DOC2B: variants seen among roughly 807,000 people sequenced by gnomAD.
DOC2B encodes the protein double C2-like domain-containing protein beta.
A neutral mutation model predicts 28.9 loss-of-function variants in DOC2B; 21 were observed. That is an observed-to-expected ratio of 0.73 (90% confidence interval 0.52 to 1.05). DOC2B has a LOEUF of 1.05. Among genes scored for constraint, DOC2B ranks in the 50% least tolerant of loss-of-function variants. The pLI, the probability that DOC2B is intolerant of heterozygous loss-of-function variation, is 0.00. For missense variants in DOC2B, 384 were observed against 421.1 expected (o/e 0.91, Z 0.77); for synonymous variants, 194 against 178.1 (o/e 1.09, Z -0.71).
intron 5 of DOC2B, among the ~76,000 whole-genome samples, chr17:157,719 C>T (rs1391355840): frequency 6.6e-6 from 1 of 152,214 alleles, no homozygotes; most frequent in Middle Eastern, 3.2e-3. Context: ...GCTGGGATTA[C>T]AGGTATGAGC....
At chr17:172,974 C>T (rs1354848277) in intron 1 of DOC2B, among the ~76,000 whole-genome samples, 1 of 152,208 alleles carries the variant, frequency 6.6e-6, no homozygotes, top group Non-Finnish European at 1.5e-5. Flanking sequence ...CCTCAGTTTC[C>T]CTCACCTGTG....
intron 7 of DOC2B, among the ~76,000 whole-genome samples, chr17:148,852 C>T (rs1241797692): frequency 1.3e-5 from 2 of 152,058 alleles, no homozygotes; most frequent in Admixed American, 1.3e-4. Context: ...TTCCTCACCC[C>T]CTCTTTGCCC....
At chr17:164,271 T>G in intron 2 of DOC2B, 67 bp from the exon 3 acceptor site, 1 of 1,275,214 alleles carries the variant, frequency 7.8e-7, no homozygotes, top group East Asian at 2.5e-5. Flanking sequence ...GGCCTGCAGA[T>G]GCCCTTGTCC....
chr17:155,787 C>T (rs528791778), intron 6 of DOC2B, among the ~76,000 whole-genome samples: 3 of 152,222 alleles, frequency 2.0e-5, no homozygotes, highest in Admixed American at 1.3e-4. Flanking sequence ...GACTCTTATC[C>T]GCATCTGTAG....
At chr17:171,954 G>A in intron 2 of DOC2B, among the ~76,000 whole-genome samples, 1 of 146,244 alleles carries the variant, frequency 6.8e-6, no homozygotes, top group Admixed American at 6.7e-5. Context: ...GCTGCAGAGG[G>A]GAGCACCAGG....
At chr17:161,575 G>T in intron 4 of DOC2B, 34 bp from the exon 5 acceptor site, 1 of 1,551,016 alleles carries the variant, frequency 6.4e-7, no homozygotes, top group South Asian at 1.2e-5. Flanking sequence ...CACAGCCAGT[G>T]CCTCAGACGC....
At position 148,287 on chromosome 17, in the gene DOC2B, G is replaced by A; in HGVS notation, c.1006-18C>T. On this transcript the variant is annotated intron_variant, in intron 7 of 8. Coordinates refer to ENST00000613549, the MANE Select transcript of DOC2B (RefSeq NM_003585.5). ...CAGAACTCCTGCTGGCAAGAAGGGA[G>A]TGTTAGGGCTGATGCCTGGGCCTGG... 1 of 398,866 alleles carries A rather than the reference G, an allele frequency of 2.5e-6. No individual in the cohort carries two copies. Among genetic ancestry groups the A allele is most frequent in the East Asian group, 3.6e-5 (1 of 28,058 alleles). 24.7% of individuals were successfully genotyped at this position (398,866 alleles called of 1,614,324 possible).
chr17:174,132 G>C (rs1395179340), intron 1 of DOC2B, among the ~76,000 whole-genome samples: 1 of 152,192 alleles, frequency 6.6e-6, no homozygotes, highest in Non-Finnish European at 1.5e-5. Flanking sequence ...TTCTGAGCTG[G>C]TGATGGGAGT....
At chr17:177,031 T>A (rs2040377821) in intron 1 of DOC2B, among the ~76,000 whole-genome samples, 1 of 140,078 alleles carries the variant, frequency 7.1e-6, no homozygotes, top group Admixed American at 7.3e-5. Context: ...TGCCCTGATT[T>A]TTTTTTTTTT....
At chr17:176,374 A>G (rs1376434621) in intron 1 of DOC2B, among the ~76,000 whole-genome samples, 1 of 126,592 alleles carries the variant, frequency 7.9e-6, no homozygotes, top group Non-Finnish European at 1.7e-5. Context: ...TTACAAAAAA[A>G]GAGACAGTGG....
At chr17:161,825 G>A (rs879382483) in intron 4 of DOC2B, among the ~76,000 whole-genome samples, 11 of 152,212 alleles carry the variant, frequency 7.2e-5, no homozygotes, top group East Asian at 1.9e-4. Context: ...TCTCTGGAGG[G>A]AACCACCTCC....
chr17:155,903 T>C, intron 6 of DOC2B: 1 of 362,542 alleles, frequency 2.8e-6, no homozygotes, highest in Non-Finnish European at 5.0e-6. Context: ...CCCCGCCTTC[T>C]GTCCCCTCCT....
intron 6 of DOC2B, among the ~76,000 whole-genome samples, chr17:151,502 G>C (rs1341023917): frequency 6.6e-6 from 1 of 152,126 alleles, no homozygotes; most frequent in Non-Finnish European, 1.5e-5. Flanking sequence ...GGAATGTTTG[G>C]GGTTTTGGAT....
intron 1 of DOC2B, among the ~76,000 whole-genome samples, chr17:174,756 A>T (rs763374330): frequency 6.6e-6 from 1 of 152,276 alleles, no homozygotes; most frequent in South Asian, 2.1e-4. Flanking sequence ...GCTCTCACCT[A>T]TTCAATAATT....
At chr17:157,892 T>A (rs1033816884) in intron 5 of DOC2B, among the ~76,000 whole-genome samples, 1 of 152,142 alleles carries the variant, frequency 6.6e-6, no homozygotes, top group Non-Finnish European at 1.5e-5. Flanking sequence ...GCCTGGAGGT[T>A]CAAAGAAAGG....
In DOC2B at chr17:143,275, G is replaced by A. The variant is rs1190416820; in HGVS notation, c.*4166C>T. On this transcript the variant is annotated 3_prime_UTR_variant, in exon 9 of 9. Transcript: ENST00000613549. ...GAAGAGTAACAAGACTATATCCGGA[G>A]TAGGTTTCAGTTGCCTTTTCCTCCG... is the stretch of plus-strand genomic sequence containing the variant. 5 of 151,820 alleles carry A rather than the reference G, an allele frequency of 3.3e-5. No homozygotes were observed. Among genetic ancestry groups the A allele is most frequent in the African/African-American group, 4.8e-5 (2 of 41,300 alleles). 9.4% of individuals were successfully genotyped at this position (151,820 alleles called of 1,614,324 possible).
intron 5 of DOC2B, among the ~76,000 whole-genome samples, chr17:159,041 TAA>T (rs112706180): frequency 7.2e-6 from 1 of 139,726 alleles, no homozygotes; most frequent in Admixed American, 7.1e-5. Flanking sequence ...CTCCATCTCA[TAA>T]AAAAAAAAAA....
rs920196084 is a variant in DOC2B, at chr17:181,445, A to T, written c.35T>A (p.Ile12Asn). Residue 12 changes from isoleucine (I) to asparagine (N), a missense_variant, in exon 1 of 9, where the codon ATC becomes AAC. Transcript: ENST00000613549. The surrounding 1 kb of genome is among the most constrained non-coding windows in gnomAD (Gnocchi z 7.0). ...TLRRRGEKAT[I>N]SIQEHMAIDV... ...GATGGCCATATGCTCCTGGATGCTG[A>T]TGGTCGCCTTCTCCCCGCGCCGCCG... is the stretch of plus-strand genomic sequence containing the variant. 4.3e-6 allele frequency: 5 copies of T among 1,157,526 alleles called. No individual in the cohort carries two copies. In the Admixed American group the frequency reaches 1.4e-4, roughly 32 times the overall value. The allele number at this position is 1,157,526 out of a possible 1,614,324, so 71.7% of individuals were successfully genotyped here.
chr17:164,331 C>A, intron 2 of DOC2B, 127 bp from the exon 3 acceptor site: 1 of 693,712 alleles, frequency 1.4e-6, no homozygotes, highest in South Asian at 1.8e-5. Context: ...CAGAAGCCCC[C>A]GGGCCCCACA....
Sources: gnomAD v4.1 joint callset for allele counts (sites outside exome capture counted in the v4.1 genomes callset) on GRCh38, gnomAD v4.1.1 for gene constraint, Gnocchi (gnomAD v3.1) non-coding constraint, MANE v1.5 for transcripts, NCBI Gene and HGNC (gene_info 2026-07-23, HGNC 2026-07-21) for gene names.